The following TP63 variants were observed in gnomAD, a reference collection of about 807,000 sequenced individuals.
TP63 encodes the protein tumor protein 63.
In TP63, 17 loss-of-function variants were observed where a neutral mutation model predicts 82.8. That is an observed-to-expected ratio of 0.21 (90% CI 0.14 to 0.31). The LOEUF is 0.31. TP63 is among the 10% of genes least tolerant of loss of function. The probability of loss-of-function intolerance (pLI) is 1.00; values close to 1 mark genes in which losing one functional copy is unlikely to be tolerated. For missense variants in TP63, 648 were observed against 895.3 expected, an observed-to-expected ratio of 0.72 and a Z score of 3.52; for synonymous variants, 330 against 321.7, an observed-to-expected ratio of 1.03 and a Z score of -0.28.
At chr3:189,730,064 A>G (rs903519496) in intron 1 of TP63, among the ~76,000 whole-genome samples, 1 of 152,218 alleles carries the variant, frequency 6.6e-6, no homozygotes, top group Admixed American at 6.5e-5. Context: ...CAAAAGATCT[A>G]GGGAGGTGGA....
the TP63 span, among the ~76,000 whole-genome samples, chr3:189,602,109 T>G: frequency 2.6e-5 from 4 of 152,248 alleles, no homozygotes; most frequent in African/African-American, 9.6e-5. Flanking sequence ...ACTCTCTACA[T>G]CTCTCCTCTC....
intron 3 of TP63, among the ~76,000 whole-genome samples, chr3:189,779,028 T>G (rs775432333): frequency 1.3e-5 from 2 of 152,160 alleles, no homozygotes; most frequent in Non-Finnish European, 1.5e-5. Flanking sequence ...AAGCCTGACT[T>G]TGCTATGCAT....
intron 1 of TP63, chr3:189,645,563 TG>T (rs1254104737): frequency 3.2e-5 from 5 of 156,424 alleles, no homozygotes; most frequent in African/African-American, 1.2e-4. Flanking sequence ...CGTGCAGGTT[TG>T]TTACATATGT....
chr3:189,802,620 C>T (rs529538375), intron 3 of TP63, among the ~76,000 whole-genome samples: 1 of 152,278 alleles, frequency 6.6e-6, no homozygotes, highest in African/African-American at 2.4e-5. Context: ...CAGAGGTACA[C>T]AGCACACTAG....
rs1477765859 is a variant in TP63 at position 189,875,607 on chromosome 3, T to C, written c.1349+2612T>C. Among the ~76,000 whole-genome samples, 190 of 56,098 alleles carry C rather than the reference T, an allele frequency of 3.4e-3. 13 individuals are homozygous for C. Among genetic ancestry groups the C allele is most frequent in the Non-Finnish European group, 6.5e-3 (155 of 23,750 alleles). 36.8% of individuals were successfully genotyped at this position (56,098 alleles called of 152,430 possible). A position where few individuals can be genotyped will look rare whatever the true frequency, so the allele number is the denominator to read the frequency against. On this transcript the variant is annotated intron_variant, in intron 10 of 13. Coordinates refer to ENST00000264731, the MANE Select transcript of TP63 (RefSeq NM_003722.5). ...AAAAATACATACATATATATATATA[T>C]ATATATATATATATATATATATATA...
chr3:189,836,568 A>C (rs970350067), intron 4 of TP63, among the ~76,000 whole-genome samples: 2 of 152,162 alleles, frequency 1.3e-5, no homozygotes. Context: ...ACTTGGTACT[A>C]TCCTGCTAAT....
intron 1 of TP63, among the ~76,000 whole-genome samples, chr3:189,680,553 A>C (rs1018958723): frequency 1.3e-5 from 2 of 152,204 alleles, no homozygotes. Context: ...AAGCAAACCA[A>C]ATTCAACAAC....
rs369828738 is a variant in TP63 at position 189,803,310 on chromosome 3, A to G, written c.325-4962A>G. 8.5e-5 allele frequency among the ~76,000 whole-genome samples: 13 copies of G among 152,194 alleles called. 2 individuals carry two copies. Among genetic ancestry groups the G allele is most frequent in the Admixed American group, 7.2e-4 (11 of 15,274 alleles). On this transcript the variant is annotated intron_variant, in intron 3 of 13. Coordinates refer to ENST00000264731, the MANE Select transcript of TP63 (RefSeq NM_003722.5). Reference sequence around the variant, plus strand: ...TGAAACTCCATCTCAAAGAAAAAAAATTATCTTTTACAGATAAATTGGTGG... The same window carrying G: ...TGAAACTCCATCTCAAAGAAAAAAAGTTATCTTTTACAGATAAATTGGTGG...
At position 189,743,197 on chromosome 3, in the gene TP63, AT is replaced by A. The variant is rs1277700088; in HGVS notation, c.324+4424del. ...TAATTCACAAATGATTAATGTACAA[AT>A]GTTTAACAGATTCAAAGTGTTCAAA... On this transcript the variant is annotated intron_variant, in intron 3 of 13. Transcript: ENST00000264731. 2.4e-4 allele frequency among the ~76,000 whole-genome samples: 36 copies of A among 152,324 alleles called. 3 individuals carry two copies. Among genetic ancestry groups the A allele is most frequent in the African/African-American group, 7.2e-4 (30 of 41,584 alleles).
At chr3:189,851,190 G>GGTT (rs1407811105) in intron 4 of TP63, among the ~76,000 whole-genome samples, 2 of 152,298 alleles carry the variant, frequency 1.3e-5, no homozygotes, top group Non-Finnish European at 2.9e-5. Flanking sequence ...ATGGTGAAGT[G>GGTT]GCCAAAATGT....
At chr3:189,624,130 ATTAT>A in the TP63 span, among the ~76,000 whole-genome samples, 1 of 152,108 alleles carries the variant, frequency 6.6e-6, no homozygotes, top group Non-Finnish European at 1.5e-5. Context: ...TGTTTTTGAA[ATTAT>A]TTAGAAATCC....
At chr3:189,662,755 C>A (rs574020717) in intron 1 of TP63, among the ~76,000 whole-genome samples, 1 of 152,062 alleles carries the variant, frequency 6.6e-6, no homozygotes, top group African/African-American at 2.4e-5. Flanking sequence ...CACATCTCTA[C>A]TTTCAATTTG....
intron 4 of TP63, among the ~76,000 whole-genome samples, chr3:189,814,294 G>C (rs1464609496): frequency 6.6e-6 from 1 of 152,178 alleles, no homozygotes; most frequent in African/African-American, 2.4e-5. Flanking sequence ...CAAACTCTTC[G>C]ATGGTAAATA....
chr3:189,828,693 A>G (rs1212701078), intron 4 of TP63, among the ~76,000 whole-genome samples: 3 of 152,340 alleles, frequency 2.0e-5, no homozygotes, highest in Admixed American at 2.0e-4. Flanking sequence ...CAAATAGCCA[A>G]TGATTGGCTT....
At chr3:189,886,029 A>C (rs547790267) in intron 10 of TP63, among the ~76,000 whole-genome samples, 11 of 152,336 alleles carry the variant, frequency 7.2e-5, no homozygotes, top group African/African-American at 2.4e-4. Flanking sequence ...GTCTTTGCTC[A>C]ATTCTTTTCC....
intron 4 of TP63, among the ~76,000 whole-genome samples, chr3:189,853,579 T>C (rs1715918648): frequency 6.6e-6 from 1 of 152,192 alleles, no homozygotes; most frequent in Admixed American, 6.5e-5. Context: ...AATTCTTTCC[T>C]AACAATCTTG....
At chr3:189,673,806 G>A (rs1715146315) in intron 1 of TP63, among the ~76,000 whole-genome samples, 1 of 152,018 alleles carries the variant, frequency 6.6e-6, no homozygotes, top group African/African-American at 2.4e-5. Flanking sequence ...CTAATTCTTT[G>A]TCATCATTCA....
Position 189,777,845 on chromosome 3 carries a change from C to CTTTTTTTTTTTTTT in TP63, c.325-30412_325-30399dup, listed in dbSNP as rs55731981. ...GAGTCTTCTTCTTCTTCTTCTTCTT[C>CTTTTTTTTTTTTTT]TTTTTTTTTTTTTTTTTTTTTTTTT... On this transcript the variant is annotated intron_variant, in intron 3 of 13. Transcript: ENST00000264731. Among the ~76,000 whole-genome samples the CTTTTTTTTTTTTTT allele has an allele frequency of 5.8e-4, 22 of 37,772 alleles. 1 individual carries two copies. The highest frequency in any genetic ancestry group is 7.0e-4 in the African/African-American group (6 of 8,514). The allele number at this position is 37,772 out of a possible 152,430, so 24.8% of individuals were successfully genotyped here.
chr3:189,706,581 T>G (rs563328204), intron 1 of TP63, among the ~76,000 whole-genome samples: 2 of 152,180 alleles, frequency 1.3e-5, no homozygotes, highest in South Asian at 4.1e-4. Context: ...TTCTGTTTTT[T>G]CCCTTGGAGA....
Sources: allele counts gnomAD v4.1 joint callset (sites outside exome capture counted in the v4.1 genomes callset), GRCh38; gene constraint gnomAD v4.1.1; transcripts MANE v1.5; gene names NCBI Gene and HGNC (gene_info 2026-07-23, HGNC 2026-07-21).